DCDC1: variants seen among roughly 807,000 people sequenced by gnomAD.
The protein encoded by DCDC1 is doublecortin domain-containing protein 1.
DCDC1 carries 200 observed loss-of-function variants against 178.3 expected under a neutral mutation model. The observed-to-expected ratio is 1.12, with a 90% CI of 1.00 to 1.26. The LOEUF (loss-of-function observed/expected upper bound fraction) is 1.26, where lower values mean the gene tolerates loss of function less well. Among genes scored for constraint, DCDC1 ranks in the 50% most tolerant of loss-of-function variants. DCDC1 has a pLI of 0.00. For missense variants in DCDC1, 1,983 were observed against 1,749.2 expected, an observed-to-expected ratio of 1.13 and a Z score of -2.38; for synonymous variants, 690 against 604.8, an observed-to-expected ratio of 1.14 and a Z score of -2.07.
At chr11:31,331,902 T>G (rs1262916331) in intron 2 of DCDC1, among the ~76,000 whole-genome samples, 1 of 152,174 alleles carries the variant, frequency 6.6e-6, no homozygotes, top group East Asian at 1.9e-4. Flanking sequence ...ATAAAATGAG[T>G]TAGGGATGAT....
chr11:30,871,830 A>ATGAGTACACTTAGTGTAT (rs1307395569), intron 38 of DCDC1, among the ~76,000 whole-genome samples: 1 of 152,170 alleles, frequency 6.6e-6, no homozygotes, highest in African/African-American at 2.4e-5. Context: ...GTGATAAAAC[A>ATGAGTACACTTAGTGTAT]TGAGTACACT....
chr11:31,305,607 T>C lies in DCDC1; in HGVS notation c.754+8A>G. On this transcript the variant is annotated splice_region_variant and intron_variant, in intron 6 of 38. Coordinates refer to ENST00000684477, the MANE Select transcript of DCDC1 (RefSeq NM_001387274.1). ...GTGGGGGTAGGGTATTTTTTAGATC[T>C]TTTTTACCTTTAATTTTTTTGAATG... The C allele has an allele frequency of 3.7e-6, 6 of 1,612,946 alleles. No homozygotes were observed. Among genetic ancestry groups the C allele is most frequent in the Non-Finnish European group, 5.1e-6 (6 of 1,179,344 alleles).
At chr11:30,926,044 T>C (rs1453078037) in intron 22 of DCDC1, among the ~76,000 whole-genome samples, 1 of 152,136 alleles carries the variant, frequency 6.6e-6, no homozygotes, top group African/African-American at 2.4e-5. Context: ...AGTTTTGTAG[T>C]TCCCTGAGGA....
chr11:31,157,396 TAC>T (rs796603579), intron 9 of DCDC1, among the ~76,000 whole-genome samples: 21 of 140,980 alleles, frequency 1.5e-4, no homozygotes, highest in South Asian at 6.9e-4. Flanking sequence ...TACATATATA[TAC>T]ACACACACAC....
intron 20 of DCDC1, among the ~76,000 whole-genome samples, chr11:31,030,133 C>T (rs1307352199): frequency 8.1e-6 from 1 of 123,222 alleles, no homozygotes; most frequent in South Asian, 2.6e-4. Flanking sequence ...GTCATGTATA[C>T]AAATCATTTT....
At chr11:31,148,227 A>AAC (rs1436295438) in intron 9 of DCDC1, among the ~76,000 whole-genome samples, 1 of 151,006 alleles carries the variant, frequency 6.6e-6, no homozygotes, top group African/African-American at 2.4e-5. Flanking sequence ...AAAAAAAAAA[A>AAC]AAAAAAACAG....
At chr11:30,958,484 C>T (rs1470813382) in intron 20 of DCDC1, among the ~76,000 whole-genome samples, 2 of 152,138 alleles carry the variant, frequency 1.3e-5, no homozygotes, top group Non-Finnish European at 2.9e-5. Flanking sequence ...TTACATTGTA[C>T]ATTATCTCCC....
intron 20 of DCDC1, among the ~76,000 whole-genome samples, chr11:30,990,752 C>G (rs1950930239): frequency 6.6e-6 from 1 of 152,214 alleles, no homozygotes; most frequent in South Asian, 2.1e-4. Flanking sequence ...ATTAACTGTA[C>G]TAGGCTATTT....
chr11:31,309,150 G>A (rs994499893), intron 3 of DCDC1, among the ~76,000 whole-genome samples: 2 of 151,782 alleles, frequency 1.3e-5, no homozygotes, highest in Admixed American at 6.6e-5. Context: ...GTTTGTGTGT[G>A]TGTGTGTGTG....
intron 2 of DCDC1, among the ~76,000 whole-genome samples, chr11:31,334,548 C>T (rs966803802): frequency 1.1e-4 from 16 of 152,242 alleles, no homozygotes; most frequent in African/African-American, 3.9e-4. Context: ...ATGTTGGTGA[C>T]CTACAGATGG....
intron 26 of DCDC1, 91 bp from the exon 27 acceptor site, chr11:30,915,802 T>C: frequency 5.2e-6 from 7 of 1,339,730 alleles, no homozygotes; most frequent in Non-Finnish European, 7.2e-6. Context: ...GTTCTGTTGG[T>C]GAGAGCTCCA....
chr11:31,011,702 A>T (rs1423256135), intron 20 of DCDC1, among the ~76,000 whole-genome samples: 1 of 152,226 alleles, frequency 6.6e-6, no homozygotes, highest in African/African-American at 2.4e-5. Flanking sequence ...CGCTTTATTC[A>T]TAGTAATTCC....
chr11:30,902,543 C>A (rs988490351), intron 32 of DCDC1, among the ~76,000 whole-genome samples: 1 of 151,848 alleles, frequency 6.6e-6, no homozygotes, highest in South Asian at 2.1e-4. Context: ...TATCCATATC[C>A]ATGAAGTAAT....
intron 20 of DCDC1, among the ~76,000 whole-genome samples, chr11:31,009,152 G>C (rs1460632581): frequency 1.3e-5 from 2 of 152,060 alleles, no homozygotes; most frequent in Non-Finnish European, 2.9e-5. Flanking sequence ...AAAGAAAAAG[G>C]CTTTATGGAA....
rs1565287469 is a variant in DCDC1 at position 31,103,702 on chromosome 11, T to C, written c.1819A>G (p.Met607Val). The C allele has an allele frequency of 3.9e-6, 3 of 765,796 alleles. No homozygotes were observed. Among genetic ancestry groups the C allele is most frequent in the Non-Finnish European group, 7.2e-6 (3 of 417,670 alleles). The allele number at this position is 765,796 out of a possible 1,614,324, so 47.4% of individuals were successfully genotyped here. A position where few individuals can be genotyped will look rare whatever the true frequency, so the allele number is the denominator to read the frequency against. The change falls in exon 14 of 39, where the codon ATG (methionine) becomes GTG (valine). Residue 607 changes from methionine (M) to valine (V), a missense_variant. Coordinates refer to ENST00000684477, the MANE Select transcript of DCDC1 (RefSeq NM_001387274.1). Reference protein sequence around the residue: ...RVSAFARGDIMVAYKTFLDPN... With the variant: ...RVSAFARGDIVVAYKTFLDPN... ...TCCAAAAAGGTCTTATATGCAACCA[T>C]GATATCACCTCTGGCAAATGCACTC...
intron 9 of DCDC1, among the ~76,000 whole-genome samples, chr11:31,193,490 C>T (rs528591624): frequency 2.0e-5 from 3 of 152,112 alleles, no homozygotes; most frequent in East Asian, 3.9e-4. Flanking sequence ...TATTCAAAAT[C>T]TGAAAAAAAT....
intron 9 of DCDC1, among the ~76,000 whole-genome samples, chr11:31,187,689 A>C (rs542957020): frequency 6.6e-6 from 1 of 152,336 alleles, no homozygotes; most frequent in East Asian, 1.9e-4. Context: ...TTGAAGTCCA[A>C]CACTAGTTAG....
rs773092307 is a variant in DCDC1, at chr11:30,909,110, T to G, written c.3754A>C (p.Lys1252Gln). 3.1e-6 allele frequency: 5 copies of G among 1,603,658 alleles called. No homozygotes were observed. The South Asian group carries it at 5.6e-5, about 18-fold the overall frequency. The change falls in exon 29 of 39, where the codon AAG (lysine) becomes CAG (glutamine). Residue 1252 changes from lysine to glutamine, a missense_variant. Physicochemically the swap from Lys to Gln is moderately conservative, Grantham distance 53 (BLOSUM62 1). Transcript: ENST00000684477. The part of the protein sequence containing the change: ...CGYPVIVQKY[K>Q]PYNNGAANQK... ...TTGGCAGCTCCATTGTTGTACGGCT[T>G]ATATTTCTGAAAAAAGAGGCAAAAT...
chr11:30,944,959 CTTTTTTTTT>C (rs34334567), intron 21 of DCDC1, among the ~76,000 whole-genome samples: 1 of 65,518 alleles, frequency 1.5e-5, no homozygotes, highest in Non-Finnish European at 2.7e-5. Flanking sequence ...ACAAAAATGT[CTTTTTTTTT>C]TTTTTTTTTT....
Sources: allele counts gnomAD v4.1 joint callset (sites outside exome capture counted in the v4.1 genomes callset), GRCh38; gene constraint gnomAD v4.1.1; transcripts MANE v1.5; gene names NCBI Gene and HGNC (gene_info 2026-07-23, HGNC 2026-07-21).